ENOSF1: variants seen among roughly 807,000 people sequenced by gnomAD.
ENOSF1 encodes mitochondrial enolase superfamily member 1.
A neutral mutation model predicts 68.2 loss-of-function variants in ENOSF1; 73 were observed. The ratio of observed to expected loss-of-function variants is 1.07; its 90% CI spans 0.89 to 1.30. The LOEUF (loss-of-function observed/expected upper bound fraction) is 1.30, where lower values mean the gene tolerates loss of function less well. ENOSF1 is among the 50% of genes most tolerant of loss of function. The pLI, the probability that ENOSF1 is intolerant of heterozygous loss-of-function variation, is 0.00. For missense variants in ENOSF1, 589 were observed against 554.5 expected, an observed-to-expected ratio of 1.06 and a Z score of -0.62; for synonymous variants, 223 against 210.4, an observed-to-expected ratio of 1.06 and a Z score of -0.52.
intron 5 of ENOSF1, chr18:693,318 ATCT>A: frequency 2.4e-6 from 3 of 1,225,942 alleles, no homozygotes; most frequent in Non-Finnish European, 3.1e-6. Context: ...ACTGGATAGT[ATCT>A]TTTCTTTTTT....
At chr18:693,086 C>G in intron 5 of ENOSF1, 1 of 1,288,296 alleles carries the variant, frequency 7.8e-7, no homozygotes, top group South Asian at 1.2e-5. Context: ...CAGTGAAACC[C>G]GGACTCACAG....
chr18:670,624 T>C lies in ENOSF1; in HGVS notation c.*3681A>G. The C allele has an allele frequency of 1.3e-6, 2 of 1,555,520 alleles. No homozygotes were observed. Among genetic ancestry groups the C allele is most frequent in the Non-Finnish European group, 1.8e-6 (2 of 1,140,780 alleles). On this transcript the variant is annotated 3_prime_UTR_variant, in exon 16 of 16. Coordinates refer to ENST00000647584, the MANE Select transcript of ENOSF1 (RefSeq NM_017512.7). ...AGTTGGCTTCTGTTTCTCTCCTGTT[T>C]TACTTTGCCTTTAGCTGTGGTCTTT...
Position 712,533 on chromosome 18 carries a change from A to T in ENOSF1, c.55T>A (p.Ser19Thr). 6.5e-7 allele frequency: 1 copy of T among 1,539,044 alleles called. No individual in the cohort carries two copies. The highest frequency in any genetic ancestry group is 1.4e-5 in the African/African-American group (1 of 72,804). ...GCGTCCGCGCCGTGGCCCCCAAGCG[A>T]CGTGGGGAAGCGCACGTCCCGGACC... ...LSVRDVRFPT[S>T]LGGHGADAMH... Residue 19 changes from serine (S) to threonine (T), a missense_variant, in exon 1 of 16, where the codon TCG becomes ACG. Transcript: ENST00000647584.
rs201099212 is a variant in ENOSF1 at position 677,801 on chromosome 18, G to T, written c.990C>A (p.Cys330Ter). Residue 330 changes from cysteine (C) to a stop codon, truncating the protein, a stop_gained, in exon 13 of 16, where the codon TGC becomes TGA. Coordinates refer to ENST00000647584, the MANE Select transcript of ENOSF1 (RefSeq NM_017512.7). LOFTEE classifies it high-confidence loss of function. ...GGTTCTCATTGACACTGCCCAGTCT[G>T]CAACTGTCAATCTGGAGGAACTGCA... ...KALQFLQIDS[C>*]RLGSVNENLS... 7.0e-5 allele frequency: 113 copies of T among 1,614,038 alleles called. No homozygotes were observed. Among genetic ancestry groups the T allele is most frequent in the Non-Finnish European group, 9.3e-5 (110 of 1,180,024 alleles).
chr18:693,819 C>T, intron 5 of ENOSF1, 63 bp downstream of exon 5: 2 of 1,607,792 alleles, frequency 1.2e-6, no homozygotes, highest in Non-Finnish European at 1.7e-6. Flanking sequence ...CATCAAAAGG[C>T]ATGTCATCAA....
chr18:694,636 A>T (rs560158463), intron 3 of ENOSF1, among the ~76,000 whole-genome samples: 247 of 152,096 alleles, frequency 1.6e-3, no homozygotes, highest in Middle Eastern at 3.4e-3. Context: ...TCAAAAAAAA[A>T]AAAAAAGAGA....
In ENOSF1 at chr18:671,069, T is replaced by C; in HGVS notation, c.*3236A>G. 2 of 643,954 alleles carry C rather than the reference T, an allele frequency of 3.1e-6. No individual in the cohort carries two copies. Among genetic ancestry groups the C allele is most frequent in the South Asian group, 2.0e-5 (1 of 50,302 alleles). 39.9% of individuals were successfully genotyped at this position (643,954 alleles called of 1,614,324 possible). ...GCCCTGTGGTATACGCACTAACAGA[T>C]CTATACAGGTTGTTTGTGATACAGC... is the stretch of plus-strand genomic sequence containing the variant. On this transcript the variant is annotated 3_prime_UTR_variant, in exon 16 of 16. Transcript: ENST00000647584.
downstream of ENOSF1, chr18:667,577 T>TGATGGTGATGGA (rs1598470316): frequency 1.5e-4 from 11 of 73,604 alleles, 1 homozygote; most frequent in East Asian, 9.9e-4. Flanking sequence ...ATGGAGATGG[T>TGATGGTGATGGA]GATGGTGATG....
chr18:667,553 A>ATGGT (rs2074878653), downstream of ENOSF1, among the ~76,000 whole-genome samples: 1 of 18,572 alleles, frequency 5.4e-5, no homozygotes, highest in Non-Finnish European at 9.0e-5. Flanking sequence ...ATGGTGATGG[A>ATGGT]GATGGTGATG....
At position 706,512 on chromosome 18, in the gene ENOSF1, C is replaced by T; in HGVS notation, c.151G>A (p.Gly51Arg). Residue 51 changes from glycine to arginine, a missense_variant, in exon 2 of 16, where the codon GGG becomes AGG. Physicochemically the swap from Gly to Arg is moderately radical, Grantham distance 125 (BLOSUM62 -2). Transcript: ENST00000647584. Reference protein sequence around the residue: ...IETDAEDGIKGCGITFTLGKG... With the variant: ...IETDAEDGIKRCGITFTLGKG... ...CCCAGAGTGAAGGTAATTCCACACC[C>T]CTTGATTCCATCTTCTGCATCAGTT... The T allele has an allele frequency of 6.2e-7, 1 of 1,613,894 alleles. No individual in the cohort carries two copies. Among genetic ancestry groups the T allele is most frequent in the Non-Finnish European group, 8.5e-7 (1 of 1,179,908 alleles).
At chr18:679,990 T>TAA (rs147232601) in intron 11 of ENOSF1, among the ~76,000 whole-genome samples, 2 of 152,184 alleles carry the variant, frequency 1.3e-5, no homozygotes, top group African/African-American at 4.8e-5. Context: ...CCCCATTTTA[T>TAA]AAAAAATGAT....
rs1568105605 is a variant in ENOSF1, at chr18:697,353, CA to C, written c.195del (p.Val66SerfsTer4). The C allele has an allele frequency of 6.2e-7, 1 of 1,608,422 alleles. No homozygotes were observed. The highest frequency in any genetic ancestry group is 8.5e-7 in the Non-Finnish European group (1 of 1,177,244). On this transcript the variant is annotated frameshift_variant and splice_region_variant, in exon 3 of 16. Transcript: ENST00000647584. LOFTEE classifies it high-confidence loss of function. ...TFTLGKGTEV[V>X]VCAVNALAHH... ...TGGGCGAGGGCATTCACAGCACAGA[CA>C]ACTATTTAAAAAGGATTGAACTCTT...
chr18:707,931 C>T (rs1279917404), intron 1 of ENOSF1, among the ~76,000 whole-genome samples: 2 of 151,938 alleles, frequency 1.3e-5, no homozygotes, highest in East Asian at 3.9e-4. Context: ...ATGATCTTGG[C>T]TCACTGCAAC....
chr18:696,204 C>CTTTTTTTTTTTT (rs368856668), intron 3 of ENOSF1, among the ~76,000 whole-genome samples: 13 of 118,708 alleles, frequency 1.1e-4, no homozygotes, highest in African/African-American at 3.0e-4. Flanking sequence ...ACATCTCTCT[C>CTTTTTTTTTTTT]TTTTTTTTTT....
downstream of ENOSF1, among the ~76,000 whole-genome samples, chr18:667,537 ATGGTGATGGT>A (rs1567990903): frequency 1.5e-4 from 13 of 84,402 alleles, 5 homozygotes; most frequent in African/African-American, 8.5e-4. Context: ...GGAGATGGTG[ATGGTGATGGT>A]GATGGAGATG....
intron 2 of ENOSF1, among the ~76,000 whole-genome samples, chr18:701,342 C>A (rs188725275): frequency 2.4e-4 from 37 of 152,000 alleles, no homozygotes; most frequent in South Asian, 4.1e-4. Context: ...CCACTCTGGG[C>A]AGAATGTTGA....
At chr18:680,513 T>G (rs2075967888) in intron 11 of ENOSF1, among the ~76,000 whole-genome samples, 1 of 151,988 alleles carries the variant, frequency 6.6e-6, no homozygotes, top group Non-Finnish European at 1.5e-5. Context: ...AGCTGCCCTC[T>G]CCCTTTATCT....
intron 10 of ENOSF1, among the ~76,000 whole-genome samples, chr18:685,047 A>G (rs1025697597): frequency 6.6e-6 from 1 of 151,462 alleles, no homozygotes. Flanking sequence ...TCTTTCTTTT[A>G]GAGAGAGAGT....
Position 674,374 on chromosome 18 carries a change from TTCC to T in ENOSF1, c.1260_1262del (p.Glu421del), listed in dbSNP as rs759230270. Reference sequence around the variant, plus strand: ...CTGGATACTGGTGTTTCTTTACAGATTCCTCCTTCATTTCTGTTGAGTAGCCGG... The same window carrying T: ...CTGGATACTGGTGTTTCTTTACAGATTCCTTCATTTCTGTTGAGTAGCCGG... On this transcript the variant is annotated inframe_deletion, in exon 16 of 16. Transcript: ENST00000647584. The T allele has an allele frequency of 3.7e-6, 6 of 1,612,814 alleles. No individual in the cohort carries two copies. The African/African-American group carries it at 8.0e-5, about 22-fold the overall frequency.
Sources: allele counts gnomAD v4.1 joint callset (sites outside exome capture counted in the v4.1 genomes callset), GRCh38; gene constraint gnomAD v4.1.1; transcripts MANE v1.5; gene names NCBI Gene and HGNC (gene_info 2026-07-23, HGNC 2026-07-21).